Variants in FRYL observed in about 807,000 individuals in gnomAD.
FRYL encodes FRY like transcription coactivator.
Under a neutral mutation model 351.2 loss-of-function variants are expected in FRYL, and 150 were observed. That is an observed-to-expected ratio of 0.43 (90% CI 0.37 to 0.49). FRYL has a LOEUF of 0.49. FRYL is among the 20% of genes least tolerant of loss of function. FRYL has a pLI of 0.00. For missense variants in FRYL, 3,036 were observed against 3,619.3 expected, an observed-to-expected ratio of 0.84 and a Z score of 4.13; for synonymous variants, 1,153 against 1,257.1, an observed-to-expected ratio of 0.92 and a Z score of 1.75.
intron 3 of FRYL, among the ~76,000 whole-genome samples, chr4:48,659,157 C>T (rs1759906587): frequency 6.6e-6 from 1 of 151,900 alleles, no homozygotes; most frequent in Non-Finnish European, 1.5e-5. Context: ...TCAAGATCAG[C>T]CTAGACAACA....
At chr4:48,694,497 A>G (rs1765965928) in intron 2 of FRYL, among the ~76,000 whole-genome samples, 1 of 151,816 alleles carries the variant, frequency 6.6e-6, no homozygotes, top group African/African-American at 2.4e-5. Context: ...GGGTTTCACC[A>G]TGTTGCCCAG....
chr4:48,667,001 C>A (rs1315299563), intron 3 of FRYL, among the ~76,000 whole-genome samples: 2 of 152,168 alleles, frequency 1.3e-5, no homozygotes, highest in Non-Finnish European at 2.9e-5. Context: ...TCAGTGATGG[C>A]ATGTTTGCTT....
At chr4:48,521,266 C>G in intron 54 of FRYL, 51 bp from the exon 55 acceptor site, 3 of 1,335,298 alleles carry the variant, frequency 2.2e-6, no homozygotes, top group Non-Finnish European at 3.1e-6. Flanking sequence ...TCAAAAGCCA[C>G]AGGAAACATT....
chr4:48,667,933 C>A (rs923542609), intron 3 of FRYL, among the ~76,000 whole-genome samples: 1 of 152,212 alleles, frequency 6.6e-6, no homozygotes, highest in African/African-American at 2.4e-5. Context: ...CAGGCGAGAG[C>A]CACAGCGTCC....
intron 1 of FRYL, among the ~76,000 whole-genome samples, chr4:48,728,022 C>T (rs749277917): frequency 2.0e-5 from 3 of 152,152 alleles, no homozygotes; most frequent in Non-Finnish European, 4.4e-5. Context: ...CCCCTTCCTC[C>T]ACACCTTGCC....
At chr4:48,628,875 C>T (rs150848308) in intron 4 of FRYL, among the ~76,000 whole-genome samples, 1 of 151,744 alleles carries the variant, frequency 6.6e-6, no homozygotes, top group Admixed American at 6.6e-5. Context: ...GCAGGTGCTA[C>T]ATAGATGGAT....
chr4:48,609,139 A>G, intron 8 of FRYL, 72 bp from the exon 9 acceptor site: 1 of 861,698 alleles, frequency 1.2e-6, no homozygotes, highest in Non-Finnish European at 1.9e-6. Context: ...AATACATATG[A>G]AAATTCCTTA....
intron 45 of FRYL, 33 bp from the exon 46 acceptor site, chr4:48,540,993 C>T (rs751348494): frequency 4.1e-6 from 6 of 1,464,798 alleles, no homozygotes; most frequent in Non-Finnish European, 4.5e-6. Flanking sequence ...TGAATGCATA[C>T]CCAGTCACTT....
intron 55 of FRYL, among the ~76,000 whole-genome samples, chr4:48,519,070 G>A (rs1386305319): frequency 4.6e-5 from 7 of 152,148 alleles, no homozygotes; most frequent in Non-Finnish European, 7.4e-5. Context: ...TTACTTAATA[G>A]GTATCTCTTG....
At position 48,609,006 on chromosome 4, in the gene FRYL, CT is replaced by C; in HGVS notation, c.552del (p.Ile184MetfsTer12). On this transcript the variant is annotated frameshift_variant, in exon 9 of 64. Coordinates refer to ENST00000358350, the MANE Select transcript of FRYL (RefSeq NM_015030.2). LOFTEE classifies it high-confidence loss of function. Reference protein sequence around the residue: ...HIIADLYAEVIGVLAQSKFQA... With the variant: ...HIIADLYAEVXGVLAQSKFQA... ...ACTTACTTTGATTGGGCAAGAACCC[CT>C]ATCACCTCTGCATATAAATCAGCAA... is the stretch of plus-strand genomic sequence containing the variant. The C allele has an allele frequency of 6.2e-7, 1 of 1,609,218 alleles. No homozygotes were observed. Among genetic ancestry groups the C allele is most frequent in the Non-Finnish European group, 8.5e-7 (1 of 1,176,068 alleles).
chr4:48,766,823 T>C (rs1056964553), intron 1 of FRYL, among the ~76,000 whole-genome samples: 6 of 151,924 alleles, frequency 3.9e-5, no homozygotes, highest in Admixed American at 6.6e-5. Context: ...ATACCAGTTT[T>C]CAAAGTAAGG....
chr4:48,728,593 G>T (rs1770342818), intron 1 of FRYL, among the ~76,000 whole-genome samples: 1 of 152,104 alleles, frequency 6.6e-6, no homozygotes, highest in South Asian at 2.1e-4. Context: ...CCTACACTTA[G>T]ACATGCCAAA....
chr4:48,678,557 C>T (rs1056432684), intron 3 of FRYL, among the ~76,000 whole-genome samples: 1 of 138,710 alleles, frequency 7.2e-6, no homozygotes, highest in Admixed American at 7.2e-5. Flanking sequence ...TTGATCAGTA[C>T]AAGTACATTG....
chr4:48,628,834 A>C (rs534312540), intron 4 of FRYL, among the ~76,000 whole-genome samples: 1 of 152,092 alleles, frequency 6.6e-6, no homozygotes, highest in South Asian at 2.1e-4. Flanking sequence ...AAAATTTTTT[A>C]AATTGAAAGA....
intron 1 of FRYL, among the ~76,000 whole-genome samples, chr4:48,750,584 T>A (rs1773150076): frequency 6.6e-6 from 1 of 151,996 alleles, no homozygotes; most frequent in African/African-American, 2.4e-5. Context: ...GCAGTGCAAA[T>A]AATAAAAGTG....
intron 5 of FRYL, among the ~76,000 whole-genome samples, chr4:48,621,647 T>C (rs1317475292): frequency 3.3e-5 from 5 of 152,178 alleles, no homozygotes; most frequent in African/African-American, 1.2e-4. Context: ...AAAGTATGGG[T>C]TGCAGGATAT....
intron 13 of FRYL, among the ~76,000 whole-genome samples, chr4:48,598,122 G>C (rs1744981262): frequency 6.6e-6 from 1 of 152,098 alleles, no homozygotes; most frequent in South Asian, 2.1e-4. Context: ...GTAAAGCCAG[G>C]CATGGTGGTG....
intron 41 of FRYL, chr4:48,546,690 C>T (rs555628111): frequency 2.7e-4 from 47 of 174,460 alleles, no homozygotes; most frequent in African/African-American, 1.0e-3. Context: ...ATCTGAAATA[C>T]ACATAGTGCA....
intron 3 of FRYL, among the ~76,000 whole-genome samples, chr4:48,670,139 T>C (rs573969881): frequency 1.1e-3 from 160 of 152,220 alleles, no homozygotes; most frequent in African/African-American, 3.6e-3. Context: ...ACAATTAAAT[T>C]ATTTTTTACT....
Sources: gnomAD v4.1 joint callset for allele counts (sites outside exome capture counted in the v4.1 genomes callset) on GRCh38, gnomAD v4.1.1 for gene constraint, MANE v1.5 for transcripts, NCBI Gene and HGNC (gene_info 2026-07-23, HGNC 2026-07-21) for gene names.